Variants in GAP43 observed in about 807,000 individuals in gnomAD.
The protein encoded by GAP43 is growth associated protein 43.
In GAP43, 6 loss-of-function variants were observed where a neutral mutation model predicts 18.6. The observed-to-expected ratio is 0.32, with a 90% confidence interval of 0.18 to 0.64. The LOEUF is 0.64. Among genes scored for constraint, GAP43 ranks in the 30% least tolerant of loss-of-function variants. The probability of loss-of-function intolerance (pLI) is 0.78; values close to 1 mark genes in which losing one functional copy is unlikely to be tolerated. For missense variants in GAP43, 292 were observed against 295.5 expected (o/e 0.99, Z 0.09); for synonymous variants, 115 against 111.4 (o/e 1.03, Z -0.20).
chr3:115,688,006 A>AT (rs1553723869), intron 2 of GAP43, among the ~76,000 whole-genome samples: 4 of 149,792 alleles, frequency 2.7e-5, no homozygotes, highest in Admixed American at 6.6e-5. Context: ...AAATTTTTTT[A>AT]TTATTTATTT....
intron 2 of GAP43, among the ~76,000 whole-genome samples, chr3:115,703,538 A>G (rs1709323505): frequency 6.6e-6 from 1 of 152,054 alleles, no homozygotes; most frequent in African/African-American, 2.4e-5. Flanking sequence ...AGGTGGGGAA[A>G]TGCTAGAGGA....
intron 2 of GAP43, among the ~76,000 whole-genome samples, chr3:115,720,367 G>C (rs1055149894): frequency 6.6e-6 from 1 of 152,164 alleles, no homozygotes; most frequent in Non-Finnish European, 1.5e-5. Flanking sequence ...TACTGGAAAT[G>C]AGTGGTAAGA....
chr3:115,701,995 C>A (rs1377910005), intron 2 of GAP43, among the ~76,000 whole-genome samples: 1 of 152,032 alleles, frequency 6.6e-6, no homozygotes, highest in Non-Finnish European at 1.5e-5. Flanking sequence ...GATACAGGTG[C>A]ATTTGGGAGA....
intron 1 of GAP43, among the ~76,000 whole-genome samples, chr3:115,641,999 C>T (rs935106182): frequency 2.0e-5 from 3 of 152,042 alleles, no homozygotes; most frequent in Admixed American, 6.6e-5. Flanking sequence ...ACAGCCAGTC[C>T]TTCATGGTGC....
chr3:115,709,581 C>T (rs1390146599), intron 2 of GAP43, among the ~76,000 whole-genome samples: 6 of 152,096 alleles, frequency 3.9e-5, no homozygotes, highest in Non-Finnish European at 8.8e-5. Flanking sequence ...GTAAATTGAT[C>T]GTGTTCTAAA....
At chr3:115,670,701 A>G (rs1044427790) in intron 1 of GAP43, among the ~76,000 whole-genome samples, 1 of 152,214 alleles carries the variant, frequency 6.6e-6, no homozygotes, top group African/African-American at 2.4e-5. Context: ...AATAAAAAAT[A>G]AAGTGGGCCA....
chr3:115,703,146 G>A (rs1377637522), intron 2 of GAP43, among the ~76,000 whole-genome samples: 1 of 152,054 alleles, frequency 6.6e-6, no homozygotes, highest in African/African-American at 2.4e-5. Context: ...TTGGGAATAT[G>A]TATATTTATG....
intron 1 of GAP43, among the ~76,000 whole-genome samples, chr3:115,625,483 G>C (rs754454372): frequency 1.3e-5 from 2 of 152,096 alleles, no homozygotes; most frequent in African/African-American, 4.8e-5. Flanking sequence ...TATTTCACTG[G>C]TGAGCTGGGG....
At chr3:115,719,269 A>G (rs371716031) in intron 2 of GAP43, among the ~76,000 whole-genome samples, 97 of 34,942 alleles carry the variant, frequency 2.8e-3, no homozygotes, top group Middle Eastern at 0.018. Context: ...GGGATTGAGG[A>G]AAAAAAAAAA....
chr3:115,679,210 G>T (rs1029331036), intron 2 of GAP43, among the ~76,000 whole-genome samples: 1 of 151,838 alleles, frequency 6.6e-6, no homozygotes. Context: ...GGGAAAAATA[G>T]GTACAAAGAG....
chr3:115,716,775 G>A (rs1422650027), intron 2 of GAP43, among the ~76,000 whole-genome samples: 5 of 124,984 alleles, frequency 4.0e-5, no homozygotes, highest in Admixed American at 1.6e-4. Context: ...TATACAGAGA[G>A]AGAGAGAGAG....
At chr3:115,632,906 C>T (rs950150980) in intron 1 of GAP43, among the ~76,000 whole-genome samples, 1 of 152,042 alleles carries the variant, frequency 6.6e-6, no homozygotes, top group Non-Finnish European at 1.5e-5. Context: ...CCCTTTCTCC[C>T]TGTTTCTTTC....
At chr3:115,666,551 A>G (rs1011378016) in intron 1 of GAP43, among the ~76,000 whole-genome samples, 5 of 152,154 alleles carry the variant, frequency 3.3e-5, no homozygotes, top group African/African-American at 9.7e-5. Flanking sequence ...CTTTCTGAGT[A>G]TGTACAAAGT....
chr3:115,643,400 A>G (rs1385454166), intron 1 of GAP43, among the ~76,000 whole-genome samples: 1 of 151,986 alleles, frequency 6.6e-6, no homozygotes, highest in Non-Finnish European at 1.5e-5. Flanking sequence ...TAGCCTTGCC[A>G]TTAATACTGT....
intron 1 of GAP43, among the ~76,000 whole-genome samples, chr3:115,654,623 CT>C (rs1708558788): frequency 6.6e-6 from 1 of 152,132 alleles, no homozygotes; most frequent in Admixed American, 6.5e-5. Flanking sequence ...CAAAAGATGG[CT>C]TTTTTTCTCC....
intron 1 of GAP43, among the ~76,000 whole-genome samples, chr3:115,631,340 G>C (rs1340040402): frequency 6.6e-6 from 1 of 152,128 alleles, no homozygotes; most frequent in East Asian, 1.9e-4. Context: ...TCTGAGCCTA[G>C]TATATTCATC....
intron 1 of GAP43, among the ~76,000 whole-genome samples, chr3:115,667,097 G>A (rs540370318): frequency 6.6e-6 from 1 of 152,042 alleles, no homozygotes; most frequent in Non-Finnish European, 1.5e-5. Context: ...AACACAGTAT[G>A]GCATGTGGTC....
At chr3:115,690,760 T>C (rs988631093) in intron 2 of GAP43, among the ~76,000 whole-genome samples, 27 of 144,950 alleles carry the variant, frequency 1.9e-4, no homozygotes, top group African/African-American at 6.4e-4. Flanking sequence ...TTTCTTTCTT[T>C]TTTTTTTTTT....
rs1708891618 is a variant in GAP43, at chr3:115,676,519, C to T, written c.537C>T (p.Ala179=). 2 of 1,613,530 alleles carry T rather than the reference C, an allele frequency of 1.2e-6. No homozygotes were observed. Among genetic ancestry groups the T allele is most frequent in the African/African-American group, 1.3e-5 (1 of 74,906 alleles). The change falls in exon 2 of 3, where the codon GCC becomes GCT. Residue 179 remains alanine, a synonymous_variant. Transcript: ENST00000305124. ...DVPAAVTAAA[A]TTPAAEDAAA... ...CTGCTGCTGTCACTGCTGCTGCTGCCACCACCCCTGCCGCAGAGGATGCTG... is the reference window on the plus strand; with the variant it reads ...CTGCTGCTGTCACTGCTGCTGCTGCTACCACCCCTGCCGCAGAGGATGCTG...
Sources: allele counts gnomAD v4.1 joint callset (sites outside exome capture counted in the v4.1 genomes callset), GRCh38; gene constraint gnomAD v4.1.1; transcripts MANE v1.5; gene names NCBI Gene and HGNC (gene_info 2026-07-23, HGNC 2026-07-21).